The following TTC28 variants were observed in gnomAD, a reference collection of about 807,000 sequenced individuals.
TTC28 encodes tetratricopeptide repeat domain 28.
A neutral mutation model predicts 198.0 loss-of-function variants in TTC28; 61 were observed. That is an observed-to-expected ratio of 0.31 (90% confidence interval 0.25 to 0.38). The LOEUF (loss-of-function observed/expected upper bound fraction) is 0.38, where lower values mean the gene tolerates loss of function less well. Among genes scored for constraint, TTC28 ranks in the 10% least tolerant of loss-of-function variants. TTC28 has a pLI of 1.00. For missense variants in TTC28, 2,678 were observed against 3,164.0 expected (o/e 0.85, Z 3.69); for synonymous variants, 1,171 against 1,297.8 (o/e 0.90, Z 2.10).
At chr22:28,551,255 A>G (rs2049666166) in intron 2 of TTC28, among the ~76,000 whole-genome samples, 1 of 152,176 alleles carries the variant, frequency 6.6e-6, no homozygotes, top group Admixed American at 6.5e-5. Flanking sequence ...TAAACAAAAA[A>G]AAGTCCAGCA....
chr22:27,991,014 G>C (rs1047742643), intron 19 of TTC28, among the ~76,000 whole-genome samples: 1 of 152,164 alleles, frequency 6.6e-6, no homozygotes, highest in Admixed American at 6.5e-5. Context: ...GGCCAGCCGC[G>C]TGCGGATCCA....
chr22:28,637,470 T>C (rs4638900), intron 1 of TTC28, among the ~76,000 whole-genome samples: 5,754 of 152,266 alleles, frequency 0.038, 210 homozygotes, highest in East Asian at 0.17. Context: ...TAGACTGCTA[T>C]AACTATGTTT....
chr22:28,103,792 T>C (rs945529519), intron 8 of TTC28, among the ~76,000 whole-genome samples: 4 of 152,232 alleles, frequency 2.6e-5, no homozygotes, highest in Non-Finnish European at 1.5e-5. Flanking sequence ...AAACCAGCTG[T>C]TTCATGGAAA....
intron 5 of TTC28, among the ~76,000 whole-genome samples, chr22:28,236,046 G>A (rs1002929344): frequency 1.3e-5 from 2 of 152,122 alleles, no homozygotes; most frequent in Admixed American, 1.3e-4. Context: ...TGCTGATCTT[G>A]CTGACCAACA....
At chr22:28,437,227 C>T (rs1013122432) in intron 2 of TTC28, among the ~76,000 whole-genome samples, 1 of 152,048 alleles carries the variant, frequency 6.6e-6, no homozygotes. Flanking sequence ...GGTTAACAAG[C>T]ATGCACCACT....
Position 28,257,900 on chromosome 22 carries a change from A to G in TTC28, c.933+38298T>C, listed in dbSNP as rs577037627. On this transcript the variant is annotated intron_variant, in intron 5 of 22. Coordinates refer to ENST00000397906, the MANE Select transcript of TTC28 (RefSeq NM_001145418.2). ...CTAAGCCCTTCAAGCAAATCTTACA[A>G]AAACCATCAGTTGATTTTTATCACC... Among the ~76,000 whole-genome samples the G allele has an allele frequency of 3.3e-5, 5 of 151,620 alleles. No individual in the cohort carries two copies. In the South Asian group the frequency reaches 1.0e-3, roughly 32 times the overall value.
At chr22:28,247,497 C>T (rs1569219944) in intron 5 of TTC28, among the ~76,000 whole-genome samples, 1 of 152,142 alleles carries the variant, frequency 6.6e-6, no homozygotes, top group Non-Finnish European at 1.5e-5. Flanking sequence ...GTAGTCGAGC[C>T]TTTAGGCTGC....
chr22:28,432,472 C>A (rs1407025318), intron 2 of TTC28, among the ~76,000 whole-genome samples: 3 of 152,018 alleles, frequency 2.0e-5, no homozygotes, highest in African/African-American at 7.2e-5. Flanking sequence ...AATAAAGTCA[C>A]CGAGTTCTGC....
chr22:28,420,163 T>G (rs988315146), intron 2 of TTC28, among the ~76,000 whole-genome samples: 3 of 152,148 alleles, frequency 2.0e-5, no homozygotes, highest in Non-Finnish European at 4.4e-5. Context: ...AGAAGACAGA[T>G]GAAAGCTTTT....
intron 5 of TTC28, among the ~76,000 whole-genome samples, chr22:28,228,811 T>C (rs1399099892): frequency 6.6e-6 from 1 of 152,070 alleles, no homozygotes; most frequent in African/African-American, 2.4e-5. Flanking sequence ...ACTTTAAAAA[T>C]TTTTTCTTTA....
At chr22:28,165,793 G>A (rs554550695) in intron 5 of TTC28, among the ~76,000 whole-genome samples, 2 of 152,256 alleles carry the variant, frequency 1.3e-5, no homozygotes, top group South Asian at 2.1e-4. Flanking sequence ...TAACCAGCTA[G>A]CATCATAATG....
chr22:28,480,964 CTGA>C (rs555675013), intron 2 of TTC28, among the ~76,000 whole-genome samples: 10 of 152,144 alleles, frequency 6.6e-5, no homozygotes, highest in Non-Finnish European at 1.2e-4. Flanking sequence ...AATGAATAAA[CTGA>C]TGATTATCAA....
chr22:28,555,143 A>G (rs1357163511), intron 2 of TTC28, among the ~76,000 whole-genome samples: 1 of 152,222 alleles, frequency 6.6e-6, no homozygotes, highest in Non-Finnish European at 1.5e-5. Context: ...AATCAAAACC[A>G]CAATGTAATA....
At chr22:28,109,798 CT>C (rs1569144747) in intron 6 of TTC28, among the ~76,000 whole-genome samples, 1 of 152,150 alleles carries the variant, frequency 6.6e-6, no homozygotes, top group Admixed American at 6.5e-5. Context: ...TTTGAACATG[CT>C]TTTCCATGCA....
At chr22:28,376,518 C>A (rs2146008824) in intron 2 of TTC28, among the ~76,000 whole-genome samples, 1 of 152,188 alleles carries the variant, frequency 6.6e-6, no homozygotes, top group Admixed American at 6.5e-5. Context: ...ACTTAAACAA[C>A]TATAAAATTC....
intron 5 of TTC28, among the ~76,000 whole-genome samples, chr22:28,282,178 G>A (rs1052781962): frequency 6.6e-6 from 1 of 152,056 alleles, no homozygotes; most frequent in Non-Finnish European, 1.5e-5. Context: ...ATAGCTGTTT[G>A]TTTTATATTT....
At chr22:28,157,097 A>G (rs901177073) in intron 6 of TTC28, among the ~76,000 whole-genome samples, 2 of 152,322 alleles carry the variant, frequency 1.3e-5, no homozygotes, top group Middle Eastern at 3.4e-3. Flanking sequence ...TAAAATCAGA[A>G]ATGAAAAATG....
At chr22:28,427,038 A>C (rs2047360569) in intron 2 of TTC28, among the ~76,000 whole-genome samples, 1 of 152,220 alleles carries the variant, frequency 6.6e-6, no homozygotes. Context: ...TAGTCCTTTA[A>C]TAATAAAGTG....
At chr22:28,307,928 C>T (rs1169864263) in intron 2 of TTC28, among the ~76,000 whole-genome samples, 3 of 151,976 alleles carry the variant, frequency 2.0e-5, no homozygotes, top group African/African-American at 4.8e-5. Context: ...AATGCATATA[C>T]ACAGAGAGTG....
Sources: allele counts gnomAD v4.1 joint callset (sites outside exome capture counted in the v4.1 genomes callset), GRCh38; gene constraint gnomAD v4.1.1; transcripts MANE v1.5; gene names NCBI Gene and HGNC (gene_info 2026-07-23, HGNC 2026-07-21).